The following ABI3BP variants were observed in gnomAD, a reference collection of about 807,000 sequenced individuals.
ABI3BP encodes the protein ABI family member 3 binding protein.
ABI3BP carries 216 observed loss-of-function variants against 268.6 expected under a neutral mutation model. That is an observed-to-expected ratio of 0.80 (90% confidence interval 0.72 to 0.90). The LOEUF is 0.90. Among genes scored for constraint, ABI3BP ranks in the 40% least tolerant of loss-of-function variants. The pLI, the probability that ABI3BP is intolerant of heterozygous loss-of-function variation, is 0.00. For synonymous variants in ABI3BP, 730 were observed against 730.0 expected, an observed-to-expected ratio of 1.00 and a Z score of 0.00; for missense variants, 2,090 against 2,182.4, an observed-to-expected ratio of 0.96 and a Z score of 0.84.
At chr3:100,861,782 A>T (rs58228625) in intron 14 of ABI3BP, among the ~76,000 whole-genome samples, 8,719 of 152,150 alleles carry the variant, frequency 0.057, 721 homozygotes, top group African/African-American at 0.18. Flanking sequence ...TCACATGGTT[A>T]CTAGGAGAGC....
In ABI3BP at chr3:100,787,749, T is replaced by G; in HGVS notation, c.4141A>C (p.Ser1381Arg). The change falls in exon 57 of 68, where the codon AGT (serine) becomes CGT (arginine). Residue 1381 changes from serine (S) to arginine (R), a missense_variant. Coordinates refer to ENST00000471714, the MANE Select transcript of ABI3BP (RefSeq NM_001375547.2). Reference sequence around the variant, plus strand: ...TTACCTGTTCCCACTCCATTCCCACTGGGCATCCCACTGGGTTTGGGCCTA... The same window carrying G: ...TTACCTGTTCCCACTCCATTCCCACGGGGCATCCCACTGGGTTTGGGCCTA... ...PTRPKPSGMPSGNGVGTGVKQ... is the reference protein window; with the variant it reads ...PTRPKPSGMPRGNGVGTGVKQ... 1 of 1,532,526 alleles carries G rather than the reference T, an allele frequency of 6.5e-7. No individual in the cohort carries two copies. The highest frequency in any genetic ancestry group is 8.7e-7 in the Non-Finnish European group (1 of 1,145,032). 94.9% of individuals were successfully genotyped at this position (1,532,526 alleles called of 1,614,324 possible).
chr3:100,948,569 A>T (rs2073556167), intron 1 of ABI3BP, among the ~76,000 whole-genome samples: 1 of 152,192 alleles, frequency 6.6e-6, no homozygotes, highest in South Asian at 2.1e-4. Context: ...CTGAGAATTA[A>T]ACTGCTTACA....
chr3:100,813,159 G>A (rs2097906921), intron 45 of ABI3BP, among the ~76,000 whole-genome samples: 1 of 152,202 alleles, frequency 6.6e-6, no homozygotes, highest in South Asian at 2.1e-4. Context: ...GGGATTACAG[G>A]TGTGAGCCAC....
chr3:100,809,588 A>C (rs55672735), intron 49 of ABI3BP, among the ~76,000 whole-genome samples: 2 of 152,002 alleles, frequency 1.3e-5, no homozygotes, highest in Admixed American at 1.3e-4. Flanking sequence ...GATTTCTTTT[A>C]GTTAAAAAAC....
rs140798682 is a variant in ABI3BP at position 100,778,275 on chromosome 3, C to A, written c.4333+9G>T. 6.2e-7 allele frequency: 1 copy of A among 1,612,522 alleles called. No individual in the cohort carries two copies. The highest frequency in any genetic ancestry group is 1.1e-5 in the South Asian group (1 of 90,900). On this transcript the variant is annotated intron_variant, in intron 59 of 67. Coordinates refer to ENST00000471714, the MANE Select transcript of ABI3BP (RefSeq NM_001375547.2). ...ATGGCGGGAAAAGGAAGGTACATGA[C>A]TAACGTACCTGCACTTCCTGGCTTT...
intron 64 of ABI3BP, among the ~76,000 whole-genome samples, chr3:100,754,214 T>C (rs533345647): frequency 6.6e-6 from 1 of 152,230 alleles, no homozygotes; most frequent in Non-Finnish European, 1.5e-5. Context: ...TATGCAAATA[T>C]TAATGCTGTA....
chr3:100,974,992 T>TATAAA (rs2085402883), intron 1 of ABI3BP, among the ~76,000 whole-genome samples: 2 of 152,106 alleles, frequency 1.3e-5, no homozygotes, highest in African/African-American at 4.8e-5. Context: ...ATAGACAGTC[T>TATAAA]CGGCAAAAAA....
intron 62 of ABI3BP, among the ~76,000 whole-genome samples, chr3:100,768,832 T>C (rs1014746326): frequency 1.3e-4 from 20 of 152,232 alleles, no homozygotes; most frequent in Admixed American, 9.8e-4. Context: ...CAGATTATGA[T>C]GCTGATAACT....
chr3:100,895,695 T>C (rs2047358985), intron 4 of ABI3BP, among the ~76,000 whole-genome samples: 1 of 152,220 alleles, frequency 6.6e-6, no homozygotes, highest in South Asian at 2.1e-4. Flanking sequence ...TTAGCTGTAT[T>C]AATCTTCCAA....
rs112769236 is a variant in ABI3BP at position 100,874,579 on chromosome 3, T to C, written c.910+262A>G. 6.2e-3 allele frequency among the ~76,000 whole-genome samples: 949 copies of C among 152,288 alleles called. 18 individuals carry two copies. The highest frequency in any genetic ancestry group is 0.022 in the African/African-American group (903 of 41,560). On this transcript the variant is annotated intron_variant, in intron 9 of 67. Coordinates refer to ENST00000471714, the MANE Select transcript of ABI3BP (RefSeq NM_001375547.2). ...TTACTTTATTAGAAAGTTATACATA[T>C]GTATTTTGAAGATTTTCATAAACAT...
intron 8 of ABI3BP, among the ~76,000 whole-genome samples, chr3:100,875,231 A>T (rs536643806): frequency 1.3e-5 from 2 of 152,354 alleles, no homozygotes; most frequent in African/African-American, 2.4e-5. Flanking sequence ...AATGATTTTT[A>T]AAAAAGCAGT....
At chr3:100,859,835 C>T (rs1050534929) in intron 14 of ABI3BP, among the ~76,000 whole-genome samples, 4 of 152,052 alleles carry the variant, frequency 2.6e-5, no homozygotes, top group Non-Finnish European at 4.4e-5. Context: ...CCAACTACAC[C>T]CGATGATTCT....
intron 1 of ABI3BP, among the ~76,000 whole-genome samples, chr3:100,956,890 G>T (rs1489924342): frequency 6.6e-6 from 1 of 152,192 alleles, no homozygotes; most frequent in Non-Finnish European, 1.5e-5. Context: ...GGTTACTGTG[G>T]CTATAGGAAG....
intron 51 of ABI3BP, among the ~76,000 whole-genome samples, chr3:100,800,309 A>G (rs1006946326): frequency 2.6e-5 from 4 of 152,188 alleles, no homozygotes; most frequent in African/African-American, 9.7e-5. Flanking sequence ...GATTACAAAA[A>G]GAAACACACA....
chr3:100,893,725 C>T (rs1160647659), intron 4 of ABI3BP, among the ~76,000 whole-genome samples: 1 of 152,114 alleles, frequency 6.6e-6, no homozygotes, highest in Non-Finnish European at 1.5e-5. Context: ...GAATACATAA[C>T]AGGATCAACA....
intron 37 of ABI3BP, among the ~76,000 whole-genome samples, chr3:100,823,201 CAT>C (rs948611483): frequency 1.3e-5 from 2 of 152,096 alleles, no homozygotes; most frequent in African/African-American, 4.8e-5. Flanking sequence ...ATGTTTGAAA[CAT>C]AGCTTTATCA....
intron 3 of ABI3BP, 42 bp downstream of exon 3, chr3:100,902,576 A>G: frequency 6.3e-7 from 1 of 1,587,152 alleles, no homozygotes; most frequent in Non-Finnish European, 8.6e-7. Context: ...GTCATGGTTC[A>G]AAGTTCATAA....
At position 100,775,288 on chromosome 3, in the gene ABI3BP, G is replaced by C; in HGVS notation, c.4381C>G (p.Pro1461Ala). Reference protein sequence around the residue: ...PITTPPLRSTPRPTGTPLERI... With the variant: ...PITTPPLRSTARPTGTPLERI... ...TCCAAGGGAGTTCCAGTAGGCCTGG[G>C]TGTTGACCTCAGGGGTGGTGTAGTT... The change falls in exon 60 of 68, where the codon CCC becomes GCC. Residue 1461 changes from proline (P) to alanine (A), a missense_variant. Pro to Ala is a conservative substitution (Grantham distance 27, BLOSUM62 -1). Transcript: ENST00000471714. The C allele has an allele frequency of 6.2e-7, 1 of 1,609,614 alleles. No individual in the cohort carries two copies. Among genetic ancestry groups the C allele is most frequent in the Non-Finnish European group, 8.5e-7 (1 of 1,177,780 alleles).
chr3:100,961,355 C>T (rs1585008057), intron 1 of ABI3BP, among the ~76,000 whole-genome samples: 1 of 152,296 alleles, frequency 6.6e-6, no homozygotes, highest in South Asian at 2.1e-4. Flanking sequence ...AGAAATCACA[C>T]ACTTAGGAAG....
Sources: allele counts gnomAD v4.1 joint callset (sites outside exome capture counted in the v4.1 genomes callset), GRCh38; gene constraint gnomAD v4.1.1; transcripts MANE v1.5; gene names NCBI Gene and HGNC (gene_info 2026-07-23, HGNC 2026-07-21).